Variants in TCF7L1 observed in about 807,000 individuals in gnomAD.
TCF7L1 encodes the protein transcription factor 7 like 1, also known as transcription factor 7-like 1.
Under a neutral mutation model 63.7 loss-of-function variants are expected in TCF7L1, and 18 were observed. The ratio of observed to expected loss-of-function variants is 0.28; its 90% CI spans 0.20 to 0.42. The LOEUF is 0.42. Among genes scored for constraint, TCF7L1 ranks in the 10% least tolerant of loss-of-function variants. TCF7L1 has a pLI of 1.00. For synonymous variants in TCF7L1, 355 were observed against 340.9 expected (o/e 1.04, Z -0.46); for missense variants, 654 against 779.3 (o/e 0.84, Z 1.91).
chr2:85,287,703 TG>T (rs1228650159), intron 4 of TCF7L1, among the ~76,000 whole-genome samples: 4 of 152,206 alleles, frequency 2.6e-5, no homozygotes, highest in African/African-American at 7.2e-5. Flanking sequence ...AAATCTTAAC[TG>T]GGAATTCAAC....
At chr2:85,239,304 C>T (rs1294897828) in intron 3 of TCF7L1, among the ~76,000 whole-genome samples, 1 of 152,128 alleles carries the variant, frequency 6.6e-6, no homozygotes, top group East Asian at 1.9e-4. Flanking sequence ...TTCTCTGCTG[C>T]TGTGAGGGTT....
Position 85,305,296 on chromosome 2 carries a change from T to C in TCF7L1, c.882T>C (p.Ala294=), listed in dbSNP as rs1453443319. Residue 294 remains alanine (A), a synonymous_variant, in exon 8 of 12, where the codon GCT becomes GCC. Coordinates refer to ENST00000282111, the MANE Select transcript of TCF7L1 (RefSeq NM_031283.3). ...GTCGGTTCTCTCCTCACATGGTGGC[T>C]CCTGCCCACCCTGGCCTGCCCACCT... ...VSSRFSPHMV[A]PAHPGLPTSG... The C allele has an allele frequency of 1.2e-6, 2 of 1,613,884 alleles. No individual in the cohort carries two copies. The highest frequency in any genetic ancestry group is 1.7e-6 in the Non-Finnish European group (2 of 1,179,992).
rs755696242 is a variant in TCF7L1 at position 85,231,991 on chromosome 2, G to A, written c.442-51504G>A. On this transcript the variant is annotated intron_variant, in intron 3 of 11. Transcript: ENST00000282111. ...TCAAGAGGATTGAGTTAATGTTAGCGAAGGACTTCGGATGGTGCCTGGTAT... is the reference window on the plus strand; with the variant it reads ...TCAAGAGGATTGAGTTAATGTTAGCAAAGGACTTCGGATGGTGCCTGGTAT... 2.3e-4 allele frequency among the ~76,000 whole-genome samples: 34 copies of A among 149,502 alleles called. 1 individual carries two copies. Among genetic ancestry groups the A allele is most frequent in the Middle Eastern group, 3.4e-3 (1 of 294 alleles).
At chr2:85,217,878 G>T (rs914918877) in intron 3 of TCF7L1, among the ~76,000 whole-genome samples, 1 of 152,136 alleles carries the variant, frequency 6.6e-6, no homozygotes, top group Non-Finnish European at 1.5e-5. Context: ...TCAGATTTTT[G>T]AGCATTTTGG....
intron 3 of TCF7L1, among the ~76,000 whole-genome samples, chr2:85,281,497 T>C (rs1290685649): frequency 6.6e-6 from 1 of 152,352 alleles, no homozygotes; most frequent in African/African-American, 2.4e-5. Flanking sequence ...CCAGTGCTTT[T>C]AACTTGCCAC....
intron 4 of TCF7L1, among the ~76,000 whole-genome samples, chr2:85,291,487 C>T (rs1345647052): frequency 6.6e-6 from 1 of 152,190 alleles, no homozygotes; most frequent in East Asian, 1.9e-4. Context: ...CCATCTGAAG[C>T]CTCACCGGAA....
At chr2:85,273,429 C>T (rs1414772143) in intron 3 of TCF7L1, among the ~76,000 whole-genome samples, 2 of 152,204 alleles carry the variant, frequency 1.3e-5, no homozygotes, top group African/African-American at 4.8e-5. Context: ...CAATTCGCAG[C>T]CTCACTCATT....
At chr2:85,286,008 G>A (rs529000165) in intron 4 of TCF7L1, among the ~76,000 whole-genome samples, 1 of 152,142 alleles carries the variant, frequency 6.6e-6, no homozygotes, top group African/African-American at 2.4e-5. Context: ...CCTGACCAAT[G>A]TGGAGAAATC....
At chr2:85,264,871 A>G (rs1210983497) in intron 3 of TCF7L1, among the ~76,000 whole-genome samples, 1 of 152,158 alleles carries the variant, frequency 6.6e-6, no homozygotes, top group Non-Finnish European at 1.5e-5. Context: ...GGGTTATGAT[A>G]TTGAATTTGT....
At chr2:85,279,204 C>T (rs1681356019) in intron 3 of TCF7L1, among the ~76,000 whole-genome samples, 1 of 152,242 alleles carries the variant, frequency 6.6e-6, no homozygotes, top group Admixed American at 6.5e-5. Context: ...TCCCCAAGGA[C>T]ATGCTCCCAC....
At chr2:85,286,680 A>T (rs897979934) in intron 4 of TCF7L1, among the ~76,000 whole-genome samples, 1 of 152,076 alleles carries the variant, frequency 6.6e-6, no homozygotes, top group African/African-American at 2.4e-5. Flanking sequence ...TTTTTAATAG[A>T]GACAGGGTTT....
intron 3 of TCF7L1, among the ~76,000 whole-genome samples, chr2:85,180,853 C>T (rs748058784): frequency 2.6e-5 from 4 of 152,140 alleles, no homozygotes; most frequent in Non-Finnish European, 4.4e-5. Context: ...CATGATGTGC[C>T]GAGCATCTCA....
chr2:85,305,380 C>G lies in TCF7L1; in HGVS notation c.966C>G (p.Pro322=). 1.9e-6 allele frequency: 3 copies of G among 1,613,060 alleles called. No individual in the cohort carries two copies. Among genetic ancestry groups the G allele is most frequent in the African/African-American group, 1.3e-5 (1 of 74,994 alleles). ...TCGTCAAGCAGGAACCGGCACCCCC[C>G]AGCCTGAGCCCTGCAGTGAGCGTGT... ...SPIVKQEPAP[P]SLSPAVSVKS... Residue 322 remains proline, a synonymous_variant, in exon 8 of 12, where the codon CCC becomes CCG. Coordinates refer to ENST00000282111, the MANE Select transcript of TCF7L1 (RefSeq NM_031283.3).
At chr2:85,140,211 T>C (rs1168714259) in intron 3 of TCF7L1, among the ~76,000 whole-genome samples, 1 of 152,036 alleles carries the variant, frequency 6.6e-6, no homozygotes, top group Non-Finnish European at 1.5e-5. Flanking sequence ...ACCTCCCCAG[T>C]GGTGGACAGA....
intron 3 of TCF7L1, among the ~76,000 whole-genome samples, chr2:85,157,415 A>AGGGT (rs1678175061): frequency 6.6e-6 from 1 of 152,234 alleles, no homozygotes; most frequent in African/African-American, 2.4e-5. Flanking sequence ...CTGGTTATTC[A>AGGGT]TCCTTTACTC....
At chr2:85,167,510 G>A (rs754672463) in intron 3 of TCF7L1, 7 of 152,098 alleles carry the variant, frequency 4.6e-5, no homozygotes, top group Non-Finnish European at 7.3e-5. Flanking sequence ...AGTATCCGTC[G>A]ACAGATGGAT....
chr2:85,136,019 A>G (rs1007476559), intron 3 of TCF7L1, among the ~76,000 whole-genome samples: 3 of 152,028 alleles, frequency 2.0e-5, no homozygotes, highest in Non-Finnish European at 4.4e-5. Flanking sequence ...TAGTTCTGCA[A>G]GTTTTGTTGG....
intron 3 of TCF7L1, among the ~76,000 whole-genome samples, chr2:85,169,350 G>GTTTC (rs1323788393): frequency 6.2e-4 from 93 of 151,160 alleles, no homozygotes; most frequent in African/African-American, 2.2e-3. Context: ...GCTGTCCACA[G>GTTTC]TTTCTTTCTT....
chr2:85,226,106 C>T (rs1254618322), intron 3 of TCF7L1, among the ~76,000 whole-genome samples: 3 of 152,208 alleles, frequency 2.0e-5, no homozygotes, highest in Non-Finnish European at 4.4e-5. Context: ...TTGAACCAGC[C>T]TTGCATCCAG....
Sources: allele counts gnomAD v4.1 joint callset (sites outside exome capture counted in the v4.1 genomes callset), GRCh38; gene constraint gnomAD v4.1.1; transcripts MANE v1.5; gene names NCBI Gene and HGNC (gene_info 2026-07-23, HGNC 2026-07-21).